ZFYVE28: variants seen among roughly 807,000 people sequenced by gnomAD.
ZFYVE28 encodes lateral signaling target protein 2 homolog.
ZFYVE28 carries 40 observed loss-of-function variants against 82.1 expected under a neutral mutation model. The ratio of observed to expected loss-of-function variants is 0.49; its 90% confidence interval spans 0.38 to 0.63. ZFYVE28 has a LOEUF of 0.63. Among genes scored for constraint, ZFYVE28 ranks in the 30% least tolerant of loss-of-function variants. ZFYVE28 has a pLI of 0.00. For missense variants in ZFYVE28, 1,321 were observed against 1,242.1 expected (o/e 1.06, Z -0.96); for synonymous variants, 612 against 546.1 (o/e 1.12, Z -1.68).
chr4:2,367,910 A>C (rs138342542), intron 1 of ZFYVE28, among the ~76,000 whole-genome samples: 2 of 152,238 alleles, frequency 1.3e-5, no homozygotes, highest in African/African-American at 2.4e-5. Context: ...CTCTGACCCA[A>C]CATGCCAGGT....
intron 1 of ZFYVE28, among the ~76,000 whole-genome samples, chr4:2,360,792 G>T (rs1294768761): frequency 6.6e-6 from 1 of 152,208 alleles, no homozygotes; most frequent in African/African-American, 2.4e-5. Context: ...TCATCACTTA[G>T]TGTTAAATCT....
chr4:2,295,188 G>T (rs1483973469), intron 8 of ZFYVE28, among the ~76,000 whole-genome samples: 6 of 152,168 alleles, frequency 3.9e-5, no homozygotes, highest in African/African-American at 1.4e-4. Context: ...TTGAGATGGA[G>T]TGTCACTCTG....
At chr4:2,297,195 C>T (rs372974950) in intron 8 of ZFYVE28, among the ~76,000 whole-genome samples, 6 of 152,386 alleles carry the variant, frequency 3.9e-5, no homozygotes, top group South Asian at 4.1e-4. Context: ...CTCTGGGCTG[C>T]GCACCGGGAG....
At chr4:2,296,656 C>G (rs1714613180) in intron 8 of ZFYVE28, among the ~76,000 whole-genome samples, 2 of 152,150 alleles carry the variant, frequency 1.3e-5, no homozygotes, top group Non-Finnish European at 2.9e-5. Flanking sequence ...GCACCTGCCA[C>G]CGGGCCCCAG....
chr4:2,399,719 C>A (rs1010568557), intron 1 of ZFYVE28, among the ~76,000 whole-genome samples: 64 of 152,110 alleles, frequency 4.2e-4, no homozygotes, highest in African/African-American at 1.5e-3. Context: ...TGGCGATACT[C>A]GGATCCCAAG....
chr4:2,289,140 G>T (rs1212794847), intron 8 of ZFYVE28, among the ~76,000 whole-genome samples: 2 of 152,194 alleles, frequency 1.3e-5, no homozygotes, highest in Non-Finnish European at 2.9e-5. Context: ...AAGGTTAGCT[G>T]TGGGGGTGGC....
intron 4 of ZFYVE28, 148 bp from the exon 5 acceptor site, chr4:2,337,644 G>C: frequency 1.7e-6 from 1 of 595,036 alleles, no homozygotes; most frequent in Non-Finnish European, 3.0e-6. Context: ...CACGTTGGGA[G>C]TCTGAGGTGG....
At chr4:2,373,343 T>C (rs1727771906) in intron 1 of ZFYVE28, among the ~76,000 whole-genome samples, 1 of 151,658 alleles carries the variant, frequency 6.6e-6, no homozygotes, top group East Asian at 1.9e-4. Flanking sequence ...TACAAAAAAT[T>C]TAAAAATTAG....
intron 1 of ZFYVE28, among the ~76,000 whole-genome samples, chr4:2,354,901 C>A: frequency 6.6e-6 from 1 of 151,998 alleles, no homozygotes; most frequent in Middle Eastern, 3.2e-3. Flanking sequence ...ACACACCCCC[C>A]ACTTCTCTAG....
Position 2,335,153 on chromosome 4 carries a change from C to T in ZFYVE28, c.701+552G>A, listed in dbSNP as rs965582668. Among the ~76,000 whole-genome samples, 13 of 151,838 alleles carry T rather than the reference C, an allele frequency of 8.6e-5. No homozygotes were observed. The highest frequency in any genetic ancestry group is 1.2e-4 in the African/African-American group (5 of 41,342). On this transcript the variant is annotated intron_variant, in intron 6 of 12. Coordinates refer to ENST00000290974, the MANE Select transcript of ZFYVE28 (RefSeq NM_020972.3). This position sits in a 1 kb window ranked among gnomAD's most constrained non-coding sequence, Gnocchi z 5.8. ...GCCTTGAGTTCCCTGCTCTCCCAGA[C>T]GGCCCCGCTGGCAGGAAAGGTTCCA... is the stretch of plus-strand genomic sequence containing the variant.
chr4:2,283,560 A>G (rs1160007006), intron 8 of ZFYVE28, among the ~76,000 whole-genome samples: 8 of 150,770 alleles, frequency 5.3e-5, no homozygotes, highest in African/African-American at 1.5e-4. Flanking sequence ...CCATCCAACC[A>G]TCCAACCGTC....
Position 2,341,532 on chromosome 4 carries a change from G to A in ZFYVE28, c.264C>T (p.Phe88=). 1 of 1,614,032 alleles carries A rather than the reference G, an allele frequency of 6.2e-7. No homozygotes were observed. The highest frequency in any genetic ancestry group is 8.5e-7 in the Non-Finnish European group (1 of 1,180,014). Reference sequence around the variant, plus strand: ...GGTTGTCGTGCCGGATCTCCTCAGGGAACTTGACGCAGAAATCTCTGGGGG... The same window carrying A: ...GGTTGTCGTGCCGGATCTCCTCAGGAAACTTGACGCAGAAATCTCTGGGGG... ...DRAPRDFCVK[F]PEEIRHDNLA... Residue 88 remains phenylalanine, a synonymous_variant, in exon 3 of 13, where the codon TTC becomes TTT. Transcript: ENST00000290974. This position sits in a 1 kb window ranked among gnomAD's most constrained non-coding sequence, Gnocchi z 4.5.
intron 7 of ZFYVE28, among the ~76,000 whole-genome samples, chr4:2,312,013 T>A (rs1717533470): frequency 6.6e-6 from 1 of 152,190 alleles, no homozygotes; most frequent in Non-Finnish European, 1.5e-5. Flanking sequence ...GATGAAGAAT[T>A]TAAACAGATA....
At chr4:2,413,132 C>T (rs1732693074) in intron 1 of ZFYVE28, among the ~76,000 whole-genome samples, 1 of 152,184 alleles carries the variant, frequency 6.6e-6, no homozygotes, top group South Asian at 2.1e-4. Context: ...CTGCAAATGC[C>T]GCTGGCACAA....
At chr4:2,290,978 G>A (rs1345201040) in intron 8 of ZFYVE28, among the ~76,000 whole-genome samples, 1 of 152,220 alleles carries the variant, frequency 6.6e-6, no homozygotes, top group Non-Finnish European at 1.5e-5. Flanking sequence ...AATTACATAA[G>A]CAATACATGT....
chr4:2,401,614 T>G (rs1168323058), intron 1 of ZFYVE28, among the ~76,000 whole-genome samples: 1 of 152,192 alleles, frequency 6.6e-6, no homozygotes, highest in Non-Finnish European at 1.5e-5. Context: ...GAGAGGTTTT[T>G]CAGAGGATAA....
At chr4:2,303,358 C>T (rs956498309) in intron 8 of ZFYVE28, among the ~76,000 whole-genome samples, 27 of 152,174 alleles carry the variant, frequency 1.8e-4, no homozygotes, top group Admixed American at 1.3e-4. Flanking sequence ...CAACGCAGCC[C>T]CTCACTCCTG....
Position 2,335,375 on chromosome 4 carries a change from C to A in ZFYVE28, c.701+330G>T, listed in dbSNP as rs1230629243. 6.6e-6 allele frequency among the ~76,000 whole-genome samples: 1 copy of A among 152,208 alleles called. No homozygotes were observed. The highest frequency in any genetic ancestry group is 2.4e-5 in the African/African-American group (1 of 41,458). ...CGTGGCCACTCTGTTCCGAGCATGA[C>A]CCCTGTGTGACCCTCATGGTCTCCT... On this transcript the variant is annotated intron_variant, in intron 6 of 12. Transcript: ENST00000290974. The surrounding 1 kb of genome is among the most constrained non-coding windows in gnomAD (Gnocchi z 5.8).
chr4:2,353,298 C>A (rs1724749236), intron 2 of ZFYVE28, among the ~76,000 whole-genome samples: 1 of 152,182 alleles, frequency 6.6e-6, no homozygotes, highest in Non-Finnish European at 1.5e-5. Context: ...ATAGACTCCC[C>A]CCTGTTGGAG....
Sources: gnomAD v4.1 joint callset for allele counts (sites outside exome capture counted in the v4.1 genomes callset) on GRCh38, gnomAD v4.1.1 for gene constraint, Gnocchi (gnomAD v3.1) non-coding constraint, MANE v1.5 for transcripts, NCBI Gene and HGNC (gene_info 2026-07-23, HGNC 2026-07-21) for gene names.